Variants in CACNB2 observed in about 807,000 individuals in gnomAD.
CACNB2 encodes calcium voltage-gated channel auxiliary subunit beta 2.
A neutral mutation model predicts 73.3 loss-of-function variants in CACNB2; 42 were observed. That is an observed-to-expected ratio of 0.57 (90% CI 0.45 to 0.74). The LOEUF is 0.74. Ranked by LOEUF, CACNB2 falls within the 30% of genes least tolerant of loss-of-function variation. The probability of loss-of-function intolerance (pLI) is 0.00; values close to 1 mark genes in which losing one functional copy is unlikely to be tolerated. For synonymous variants in CACNB2, 348 were observed against 310.3 expected (o/e 1.12, Z -1.28); for missense variants, 940 against 853.0 (o/e 1.10, Z -1.27).
chr10:18,267,383 A>G (rs2037858186), intron 2 of CACNB2, among the ~76,000 whole-genome samples: 1 of 152,150 alleles, frequency 6.6e-6, no homozygotes, highest in Non-Finnish European at 1.5e-5. Flanking sequence ...AGGTGGGCAG[A>G]TCACTTGAGG....
intron 3 of CACNB2, among the ~76,000 whole-genome samples, chr10:18,489,210 C>T (rs1251234837): frequency 1.3e-5 from 2 of 151,810 alleles, no homozygotes; most frequent in Non-Finnish European, 2.9e-5. Flanking sequence ...CAGAGCGAGA[C>T]TCTGTGTCAA....
intron 2 of CACNB2, among the ~76,000 whole-genome samples, chr10:18,382,267 C>T (rs1025928107): frequency 2.6e-5 from 4 of 152,042 alleles, no homozygotes; most frequent in African/African-American, 9.7e-5. Context: ...CGTCTCATAA[C>T]TCTGTGAATG....
chr10:18,183,088 C>CAGCCA (rs1195039859), intron 2 of CACNB2, among the ~76,000 whole-genome samples: 1 of 151,850 alleles, frequency 6.6e-6, no homozygotes, highest in East Asian at 1.9e-4. Flanking sequence ...CCTCATTTTG[C>CAGCCA]AGCCAAGTAT....
At chr10:18,238,002 T>C (rs2131487712) in intron 2 of CACNB2, among the ~76,000 whole-genome samples, 1 of 152,330 alleles carries the variant, frequency 6.6e-6, no homozygotes, top group Middle Eastern at 3.4e-3. Flanking sequence ...CTCTGTAGCG[T>C]GGAGCATATC....
chr10:18,326,972 G>A (rs771656581), intron 2 of CACNB2, among the ~76,000 whole-genome samples: 29 of 151,958 alleles, frequency 1.9e-4, no homozygotes, highest in Non-Finnish European at 3.8e-4. Flanking sequence ...CAAGTGATCC[G>A]CCCACCTCAA....
At chr10:18,231,644 G>A (rs1010805750) in intron 2 of CACNB2, among the ~76,000 whole-genome samples, 3 of 152,158 alleles carry the variant, frequency 2.0e-5, no homozygotes, top group Non-Finnish European at 4.4e-5. Context: ...TTGACAGTAC[G>A]GTAAGTGATT....
chr10:18,207,536 T>C (rs761056075), intron 2 of CACNB2, among the ~76,000 whole-genome samples: 27 of 152,334 alleles, frequency 1.8e-4, no homozygotes, highest in Non-Finnish European at 3.5e-4. Flanking sequence ...TATATCTTAG[T>C]TAATAAGCAT....
chr10:18,146,872 A>G (rs2031045033), intron 1 of CACNB2, among the ~76,000 whole-genome samples: 1 of 152,072 alleles, frequency 6.6e-6, no homozygotes, highest in African/African-American at 2.4e-5. Flanking sequence ...GTCCACCCAC[A>G]TTGCTTTCTC....
At chr10:18,410,619 A>G (rs1299322232) in intron 3 of CACNB2, among the ~76,000 whole-genome samples, 1 of 152,210 alleles carries the variant, frequency 6.6e-6, no homozygotes. Flanking sequence ...TAAACCTACA[A>G]GATAGACTAC....
intron 3 of CACNB2, among the ~76,000 whole-genome samples, chr10:18,408,182 T>A (rs1384176710): frequency 6.7e-6 from 1 of 148,526 alleles, no homozygotes; most frequent in Non-Finnish European, 1.5e-5. Context: ...AATTTATACA[T>A]CAACAAAAAG....
At chr10:18,221,902 G>A (rs906830032) in intron 2 of CACNB2, among the ~76,000 whole-genome samples, 3 of 152,172 alleles carry the variant, frequency 2.0e-5, no homozygotes, top group African/African-American at 7.2e-5. Context: ...TTGGAAAGTA[G>A]CATTGGCCCA....
intron 10 of CACNB2, among the ~76,000 whole-genome samples, chr10:18,529,042 C>T (rs189285207): frequency 2.6e-4 from 40 of 152,256 alleles, no homozygotes; most frequent in African/African-American, 7.0e-4. Context: ...ATGTTGCCCA[C>T]GCTGGTCTCC....
intron 3 of CACNB2, among the ~76,000 whole-genome samples, chr10:18,422,447 G>A (rs570525788): frequency 6.6e-6 from 1 of 152,292 alleles, no homozygotes; most frequent in East Asian, 1.9e-4. Context: ...TATATGAAAT[G>A]TTTGCAGCAG....
intron 2 of CACNB2, among the ~76,000 whole-genome samples, chr10:18,345,135 C>T (rs888945573): frequency 4.2e-4 from 64 of 152,212 alleles, no homozygotes; most frequent in Non-Finnish European, 6.8e-4. Flanking sequence ...CAAATTTGAA[C>T]ATATGGTTTT....
chr10:18,496,814 C>CAAAAAAAAAAAAAAAAAAAAGA (rs2049853608), intron 3 of CACNB2, among the ~76,000 whole-genome samples: 1 of 45,190 alleles, frequency 2.2e-5, no homozygotes, highest in Non-Finnish European at 4.7e-5. Flanking sequence ...AACTCCGCCT[C>CAAAAAAAAAAAAAAAAAAAAGA]AAAAAAAAAA....
chr10:18,365,274 C>T (rs113040847), intron 2 of CACNB2, among the ~76,000 whole-genome samples: 4,953 of 152,236 alleles, frequency 0.033, 119 homozygotes, highest in African/African-American at 0.058. Context: ...TGGCTTTGAA[C>T]GAGTTATTTA....
chr10:18,450,903 T>C (rs1298555320), intron 3 of CACNB2, among the ~76,000 whole-genome samples: 3 of 152,100 alleles, frequency 2.0e-5, no homozygotes, highest in Non-Finnish European at 4.4e-5. Context: ...TCCCAAAGTG[T>C]TGGGATTACA....
chr10:18,338,451 A>T (rs1406244253), intron 2 of CACNB2, among the ~76,000 whole-genome samples: 1 of 152,218 alleles, frequency 6.6e-6, no homozygotes, highest in Non-Finnish European at 1.5e-5. Context: ...GAACCCTTGT[A>T]CACATAGGTT....
At chr10:18,182,334 T>A (rs955363133) in intron 2 of CACNB2, among the ~76,000 whole-genome samples, 61 of 150,074 alleles carry the variant, frequency 4.1e-4, no homozygotes, top group African/African-American at 1.4e-3. Flanking sequence ...CAAAAAAAAA[T>A]TTTTTTTTGA....
Sources: gnomAD v4.1 joint callset for allele counts (sites outside exome capture counted in the v4.1 genomes callset) on GRCh38, gnomAD v4.1.1 for gene constraint, MANE v1.5 for transcripts, NCBI Gene and HGNC (gene_info 2026-07-23, HGNC 2026-07-21) for gene names.